The following CATSPERB variants were observed in gnomAD, a reference collection of about 807,000 sequenced individuals.
The protein encoded by CATSPERB is cation channel sperm-associated auxiliary subunit beta.
A neutral mutation model predicts 128.3 loss-of-function variants in CATSPERB; 93 were observed. The ratio of observed to expected loss-of-function variants is 0.72; its 90% CI spans 0.61 to 0.86. CATSPERB has a LOEUF of 0.86. CATSPERB is among the 40% of genes least tolerant of loss of function. The pLI, the probability that CATSPERB is intolerant of heterozygous loss-of-function variation, is 0.00. For synonymous variants in CATSPERB, 381 were observed against 448.8 expected (o/e 0.85, Z 1.91); for missense variants, 1,153 against 1,329.5 (o/e 0.87, Z 2.06).
intron 13 of CATSPERB, among the ~76,000 whole-genome samples, chr14:91,672,188 A>G (rs1895107561): frequency 6.6e-6 from 1 of 152,232 alleles, no homozygotes; most frequent in Admixed American, 6.5e-5. Flanking sequence ...CCACTCATTG[A>G]ACATACGAAG....
At chr14:91,697,829 T>C (rs1056056198) in intron 7 of CATSPERB, among the ~76,000 whole-genome samples, 5 of 152,224 alleles carry the variant, frequency 3.3e-5, no homozygotes, top group African/African-American at 4.8e-5. Flanking sequence ...TCAGGCTTTG[T>C]TCTTTTTGCT....
At chr14:91,635,874 A>G (rs1475154919) in intron 17 of CATSPERB, 1 of 152,328 alleles carries the variant, frequency 6.6e-6, no homozygotes, top group Non-Finnish European at 1.5e-5. Context: ...GTTGTCCAGA[A>G]TATTTTTGAT....
At chr14:91,626,217 C>A (rs1894157404) in intron 17 of CATSPERB, among the ~76,000 whole-genome samples, 1 of 152,036 alleles carries the variant, frequency 6.6e-6, no homozygotes, top group South Asian at 2.1e-4. Context: ...AGGAGAAAAT[C>A]TAGATGACCT....
intron 14 of CATSPERB, among the ~76,000 whole-genome samples, chr14:91,662,663 C>T (rs964787827): frequency 5.3e-5 from 8 of 152,154 alleles, no homozygotes; most frequent in Non-Finnish European, 7.4e-5. Context: ...TTTACTCTCC[C>T]AGCAGCAATA....
intron 5 of CATSPERB, among the ~76,000 whole-genome samples, chr14:91,714,277 CAAA>C (rs35951126): frequency 2.5e-4 from 28 of 111,248 alleles, no homozygotes; most frequent in Non-Finnish European, 3.3e-4. Context: ...TACAATAAGG[CAAA>C]AAAAAAAAAA....
rs143009010 is a variant in CATSPERB, at chr14:91,621,788, G to A, written c.2080C>T (p.Leu694=). The change falls in exon 19 of 27, where the codon CTA becomes TTA. Residue 694 remains leucine (L), a synonymous_variant. Transcript: ENST00000256343. ...PESAPNNMTF[L]KSTWFLYNFG... The stretch of plus-strand genomic sequence containing the variant: ...TTGTATAAGAACCATGTGCTCTTTA[G>A]AAAGGTCATATTGTTGGGTGCACTT... The A allele has an allele frequency of 1.9e-6, 3 of 1,614,022 alleles. No homozygotes were observed. The African/African-American group carries it at 4.0e-5, about 22-fold the overall frequency.
At chr14:91,654,877 C>T (rs748444261) in intron 15 of CATSPERB, among the ~76,000 whole-genome samples, 11 of 152,152 alleles carry the variant, frequency 7.2e-5, no homozygotes, top group Non-Finnish European at 1.5e-4. Context: ...TGCATCACCC[C>T]TCCCCTAGCT....
intron 11 of CATSPERB, among the ~76,000 whole-genome samples, chr14:91,680,215 T>C (rs935998133): frequency 2.0e-5 from 3 of 152,220 alleles, no homozygotes; most frequent in African/African-American, 7.2e-5. Context: ...GCAAGGCTTA[T>C]GACCATTTTG....
chr14:91,590,817 A>T (rs1022408789), intron 23 of CATSPERB, among the ~76,000 whole-genome samples: 6 of 150,806 alleles, frequency 4.0e-5, no homozygotes, highest in African/African-American at 7.3e-5. Flanking sequence ...CGCCCGGCTA[A>T]TTTTTTTGTA....
chr14:91,585,917 G>T (rs1893289342), intron 26 of CATSPERB, among the ~76,000 whole-genome samples: 1 of 152,146 alleles, frequency 6.6e-6, no homozygotes, highest in South Asian at 2.1e-4. Context: ...TTTGTTTTTA[G>T]CAGTCAATCA....
intron 18 of CATSPERB, among the ~76,000 whole-genome samples, chr14:91,623,055 C>T (rs1352874869): frequency 6.6e-6 from 1 of 152,012 alleles, no homozygotes; most frequent in Non-Finnish European, 1.5e-5. Flanking sequence ...CCACCAGGCC[C>T]AGCTAATTTT....
At chr14:91,730,125 C>T (rs1377256123) in intron 1 of CATSPERB, among the ~76,000 whole-genome samples, 2 of 152,168 alleles carry the variant, frequency 1.3e-5, no homozygotes, top group Admixed American at 1.3e-4. Context: ...GAAATCCTAA[C>T]CACCCTTACC....
rs185668612 is a variant in CATSPERB, at chr14:91,730,343, T to C, written c.1-864A>G. On this transcript the variant is annotated intron_variant, in intron 1 of 26. Coordinates refer to ENST00000256343, the MANE Select transcript of CATSPERB (RefSeq NM_024764.4). The stretch of plus-strand genomic sequence containing the variant: ...CAGGAAGAAGACAGCCAGCCACCTA[T>C]AAACTCAGGAGAGACGCATGAACAG... 3.9e-5 allele frequency among the ~76,000 whole-genome samples: 6 copies of C among 152,252 alleles called. 1 individual carries two copies. The East Asian group carries it at 5.8e-4, about 15-fold the overall frequency.
intron 20 of CATSPERB, among the ~76,000 whole-genome samples, chr14:91,613,644 A>G (rs563480417): frequency 2.5e-4 from 38 of 152,246 alleles, no homozygotes; most frequent in African/African-American, 8.9e-4. Flanking sequence ...CTGCCAACTG[A>G]CAGCAAAGAA....
At chr14:91,627,973 G>T (rs1337238726) in intron 17 of CATSPERB, among the ~76,000 whole-genome samples, 1 of 152,066 alleles carries the variant, frequency 6.6e-6, no homozygotes, top group Non-Finnish European at 1.5e-5. Flanking sequence ...GTGAGAATCT[G>T]TCTCTAAAAA....
chr14:91,614,663 T>C (rs1893902094), intron 20 of CATSPERB, among the ~76,000 whole-genome samples: 1 of 152,014 alleles, frequency 6.6e-6, no homozygotes, highest in Admixed American at 6.6e-5. Context: ...TAGCCAGGCG[T>C]GGTGGGCCTG....
At chr14:91,613,000 TCAAACAAA>T (rs1208628691) in intron 20 of CATSPERB, among the ~76,000 whole-genome samples, 1 of 152,204 alleles carries the variant, frequency 6.6e-6, no homozygotes, top group Non-Finnish European at 1.5e-5. Context: ...TTATCTCAGT[TCAAACAAA>T]CTGACTATAA....
At chr14:91,650,179 A>C (rs1171586790) in intron 15 of CATSPERB, among the ~76,000 whole-genome samples, 1 of 152,204 alleles carries the variant, frequency 6.6e-6, no homozygotes, top group African/African-American at 2.4e-5. Flanking sequence ...TAACTTTATA[A>C]ATATTTATAA....
At chr14:91,590,930 C>T (rs1253471845) in intron 23 of CATSPERB, among the ~76,000 whole-genome samples, 3 of 151,966 alleles carry the variant, frequency 2.0e-5, no homozygotes, top group African/African-American at 7.3e-5. Flanking sequence ...GAATTACAGG[C>T]GTGAGCCACC....
Sources: allele counts gnomAD v4.1 joint callset (sites outside exome capture counted in the v4.1 genomes callset), GRCh38; gene constraint gnomAD v4.1.1; transcripts MANE v1.5; gene names NCBI Gene and HGNC (gene_info 2026-07-23, HGNC 2026-07-21).